CHCHD3: variants seen among roughly 807,000 people sequenced by gnomAD.
CHCHD3 encodes the protein MICOS complex subunit MIC19.
CHCHD3 carries 20 observed loss-of-function variants against 38.2 expected under a neutral mutation model. The ratio of observed to expected loss-of-function variants is 0.52; its 90% CI spans 0.37 to 0.76. The LOEUF (loss-of-function observed/expected upper bound fraction) is 0.76, where lower values mean the gene tolerates loss of function less well. CHCHD3 is among the 30% of genes least tolerant of loss of function. The probability of loss-of-function intolerance (pLI) is 0.00; values close to 1 mark genes in which losing one functional copy is unlikely to be tolerated. For synonymous variants in CHCHD3, 82 were observed against 100.0 expected, an observed-to-expected ratio of 0.82 and a Z score of 1.07; for missense variants, 245 against 279.2, an observed-to-expected ratio of 0.88 and a Z score of 0.87.
At chr7:133,065,449 G>A (rs1049473328) in intron 2 of CHCHD3, among the ~76,000 whole-genome samples, 1 of 152,040 alleles carries the variant, frequency 6.6e-6, no homozygotes, top group Non-Finnish European at 1.5e-5. Flanking sequence ...AGAAATCCTA[G>A]GGCTCTCAGT....
intron 4 of CHCHD3, among the ~76,000 whole-genome samples, chr7:132,935,550 C>T (rs987377699): frequency 1.3e-5 from 2 of 152,038 alleles, no homozygotes; most frequent in African/African-American, 2.4e-5. Context: ...TCCATCTATA[C>T]CAAGAAGGGT....
chr7:133,060,476 T>C (rs1391994015), intron 2 of CHCHD3, among the ~76,000 whole-genome samples: 1 of 152,104 alleles, frequency 6.6e-6, no homozygotes, highest in Non-Finnish European at 1.5e-5. Context: ...AAAAGTTTCC[T>C]GGGGTAAGTG....
intron 7 of CHCHD3, among the ~76,000 whole-genome samples, chr7:132,786,058 G>T (rs1806308705): frequency 6.6e-6 from 1 of 152,130 alleles, no homozygotes; most frequent in Admixed American, 6.5e-5. Flanking sequence ...TGTGCCTGTA[G>T]TCTCAGTTAC....
chr7:132,865,196 C>T (rs1395975256), intron 5 of CHCHD3, among the ~76,000 whole-genome samples: 2 of 152,156 alleles, frequency 1.3e-5, no homozygotes, highest in Non-Finnish European at 2.9e-5. Context: ...GAGGAGTGAA[C>T]ATATGTCCCA....
chr7:132,964,773 T>A (rs1358172193), intron 4 of CHCHD3, among the ~76,000 whole-genome samples: 1 of 152,188 alleles, frequency 6.6e-6, no homozygotes, highest in Non-Finnish European at 1.5e-5. Flanking sequence ...AAATAGCACT[T>A]CCTTTGACCA....
chr7:133,019,416 G>T (rs916823757), intron 3 of CHCHD3, among the ~76,000 whole-genome samples: 2 of 152,030 alleles, frequency 1.3e-5, no homozygotes, highest in Non-Finnish European at 2.9e-5. Context: ...AAACTAAAAG[G>T]TACAAATAAG....
intron 3 of CHCHD3, among the ~76,000 whole-genome samples, chr7:133,001,683 T>C (rs1812576973): frequency 6.6e-6 from 1 of 152,132 alleles, no homozygotes; most frequent in South Asian, 2.1e-4. Flanking sequence ...TTTTCTTCCA[T>C]TTTCATCAAC....
At chr7:133,051,950 G>C (rs1814180256) in intron 2 of CHCHD3, 1 of 152,166 alleles carries the variant, frequency 6.6e-6, no homozygotes, top group African/African-American at 2.4e-5. Context: ...TGACAGATAA[G>C]AACACTAAGG....
intron 6 of CHCHD3, among the ~76,000 whole-genome samples, chr7:132,824,911 T>A (rs750430529): frequency 7.2e-5 from 11 of 152,264 alleles, no homozygotes; most frequent in Admixed American, 2.6e-4. Flanking sequence ...TCCTACTGCA[T>A]TTTATGGTTT....
At chr7:132,823,143 A>G (rs957410642) in intron 6 of CHCHD3, among the ~76,000 whole-genome samples, 8 of 152,202 alleles carry the variant, frequency 5.3e-5, no homozygotes, top group Non-Finnish European at 8.8e-5. Context: ...TACTTTTAAA[A>G]GGTTGATCTG....
chr7:132,875,916 T>G (rs1017804745), intron 5 of CHCHD3, among the ~76,000 whole-genome samples: 1 of 152,238 alleles, frequency 6.6e-6, no homozygotes, highest in Admixed American at 6.5e-5. Context: ...TTTGATGATG[T>G]TATGAGCTAA....
intron 3 of CHCHD3, among the ~76,000 whole-genome samples, chr7:133,012,385 T>C (rs1030048437): frequency 6.6e-6 from 1 of 152,218 alleles, no homozygotes; most frequent in Non-Finnish European, 1.5e-5. Context: ...AAAAGTCCTT[T>C]CATTTGTGAA....
At chr7:132,991,401 C>T (rs1180201145) in intron 3 of CHCHD3, among the ~76,000 whole-genome samples, 5 of 152,122 alleles carry the variant, frequency 3.3e-5, no homozygotes, top group Non-Finnish European at 7.4e-5. Context: ...TCTTATTGTG[C>T]ATGTGGCAGC....
chr7:132,975,198 C>G lies in CHCHD3; in HGVS notation c.340G>C (p.Glu114Gln). 3 of 1,612,348 alleles carry G rather than the reference C, an allele frequency of 1.9e-6. No individual in the cohort carries two copies. Among genetic ancestry groups the G allele is most frequent in the South Asian group, 1.1e-5 (1 of 90,994 alleles). The change falls in exon 4 of 8, where the codon GAG (glutamate) becomes CAG (glutamine). Residue 114 changes from glutamate to glutamine, a missense_variant. Glu to Gln is a conservative substitution (Grantham distance 29). Transcript: ENST00000262570. ...TGCTTTGCCTTAGCGCGTTCCTCCT[C>G]GCTACATATCCTCTCCCGAAGGATG... Reference protein sequence around the residue: ...RAILRERICSEEERAKAKHLA... With the variant: ...RAILRERICSQEERAKAKHLA...
At chr7:133,050,425 G>A (rs141297565) in intron 2 of CHCHD3, among the ~76,000 whole-genome samples, 1 of 138,850 alleles carries the variant, frequency 7.2e-6, no homozygotes, top group Non-Finnish European at 1.5e-5. Flanking sequence ...ATAGACAGTA[G>A]AGCACACTTT....
intron 2 of CHCHD3, chr7:133,051,971 TAAAG>T (rs1356208281): frequency 2.0e-5 from 3 of 151,860 alleles, no homozygotes; most frequent in Admixed American, 6.6e-5. Context: ...CCCAGAGAAA[TAAAG>T]AAACATACCC....
At chr7:133,061,582 G>C (rs555435258) in intron 2 of CHCHD3, among the ~76,000 whole-genome samples, 12 of 152,256 alleles carry the variant, frequency 7.9e-5, no homozygotes, top group Admixed American at 7.8e-4. Flanking sequence ...AACACAGTGA[G>C]TACACAGGGG....
intron 2 of CHCHD3, among the ~76,000 whole-genome samples, chr7:133,067,129 G>C (rs569411391): frequency 1.3e-5 from 2 of 152,188 alleles, no homozygotes; most frequent in South Asian, 4.1e-4. Context: ...TTCTTCATAG[G>C]GTTATAAGGA....
chr7:132,989,992 G>A (rs1180445798), intron 3 of CHCHD3, among the ~76,000 whole-genome samples: 1 of 152,072 alleles, frequency 6.6e-6, no homozygotes, highest in African/African-American at 2.4e-5. Flanking sequence ...GGCCAATGTG[G>A]TGAAACCCCA....
Sources: allele counts gnomAD v4.1 joint callset (sites outside exome capture counted in the v4.1 genomes callset), GRCh38; gene constraint gnomAD v4.1.1; transcripts MANE v1.5; gene names NCBI Gene and HGNC (gene_info 2026-07-23, HGNC 2026-07-21).